Variants in SEMA3A observed in about 807,000 individuals in gnomAD.
The protein encoded by SEMA3A is semaphorin 3A, also known as semaphorin-3A.
In SEMA3A, 29 loss-of-function variants were observed where a neutral mutation model predicts 97.9. The observed-to-expected ratio is 0.30, with a 90% CI of 0.22 to 0.40. The LOEUF is 0.40. Among genes scored for constraint, SEMA3A ranks in the 10% least tolerant of loss-of-function variants. The probability of loss-of-function intolerance (pLI) is 1.00; values close to 1 mark genes in which losing one functional copy is unlikely to be tolerated. For missense variants in SEMA3A, 763 were observed against 951.3 expected (o/e 0.80, Z 2.60); for synonymous variants, 321 against 323.7 (o/e 0.99, Z 0.09).
chr7:84,068,964 C>T (rs992059940), intron 4 of SEMA3A, among the ~76,000 whole-genome samples: 15 of 152,082 alleles, frequency 9.9e-5, no homozygotes, highest in African/African-American at 3.6e-4. Context: ...TTTACCGATA[C>T]ATAATATGTT....
intron 3 of SEMA3A, among the ~76,000 whole-genome samples, chr7:84,122,535 T>C (rs988132149): frequency 6.6e-6 from 1 of 152,158 alleles, no homozygotes; most frequent in African/African-American, 2.4e-5. Context: ...ATGAGGATTT[T>C]GAAATGTAAT....
At chr7:84,252,456 C>T (rs971425455) in intron 3 of SEMA3A, among the ~76,000 whole-genome samples, 1 of 152,204 alleles carries the variant, frequency 6.6e-6, no homozygotes, top group African/African-American at 2.4e-5. Flanking sequence ...ATAGCACACA[C>T]AGCAAAATGG....
intron 1 of SEMA3A, among the ~76,000 whole-genome samples, chr7:84,158,148 CTTTTTTT>C (rs1187182577): frequency 1.2e-5 from 1 of 82,290 alleles, no homozygotes; most frequent in Non-Finnish European, 2.3e-5. Flanking sequence ...ACAGCTAATT[CTTTTTTT>C]TTTTTTTTTT....
At chr7:84,316,723 C>T (rs1801512459) in intron 2 of SEMA3A, among the ~76,000 whole-genome samples, 1 of 152,022 alleles carries the variant, frequency 6.6e-6, no homozygotes, top group Non-Finnish European at 1.5e-5. Context: ...CATTCTATTA[C>T]TTTATTTTAA....
intron 1 of SEMA3A, among the ~76,000 whole-genome samples, chr7:84,376,603 C>CAAAAAAAAAAA (rs60380985): frequency 1.6e-4 from 6 of 36,440 alleles, no homozygotes; most frequent in African/African-American, 5.9e-4. Context: ...GACTCCGTCT[C>CAAAAAAAAAAA]AAAAAAAAAA....
chr7:84,455,831 T>A (rs28419784), intron 1 of SEMA3A, among the ~76,000 whole-genome samples: 2 of 151,980 alleles, frequency 1.3e-5, no homozygotes, highest in Admixed American at 6.5e-5. Context: ...AGGGAAAAAA[T>A]TAGAAAAAGA....
chr7:84,267,286 C>T (rs975575138), intron 3 of SEMA3A, among the ~76,000 whole-genome samples: 1 of 152,052 alleles, frequency 6.6e-6, no homozygotes, highest in Admixed American at 6.6e-5. Context: ...ACCTGAATTA[C>T]CAAAATAATA....
At chr7:84,416,573 A>G (rs1228956) in intron 1 of SEMA3A, among the ~76,000 whole-genome samples, 48,565 of 151,962 alleles carry the variant, frequency 0.32, 9,311 homozygotes, top group African/African-American at 0.54. Context: ...ATCCCTTGCT[A>G]ATCAGCATCC....
intron 3 of SEMA3A, among the ~76,000 whole-genome samples, chr7:84,214,230 G>A (rs1798694075): frequency 6.6e-6 from 1 of 151,956 alleles, no homozygotes; most frequent in Non-Finnish European, 1.5e-5. Flanking sequence ...AACTAAGCCT[G>A]GGCAAATTAA....
chr7:83,974,550 T>C (rs1202975886), intron 15 of SEMA3A, among the ~76,000 whole-genome samples: 1 of 152,166 alleles, frequency 6.6e-6, no homozygotes, highest in Non-Finnish European at 1.5e-5. Context: ...ATATATTTTA[T>C]TCAATGTGAG....
In SEMA3A at chr7:84,055,649, A is replaced by T. The variant is rs186871063; in HGVS notation, c.547+4816T>A. On this transcript the variant is annotated intron_variant, in intron 5 of 16. Coordinates refer to ENST00000265362, the MANE Select transcript of SEMA3A (RefSeq NM_006080.3). ...AACCCGGTACCTCAGATGGAAATGC[A>T]GAAATCACCCGTCTTCTGCGTTGCT... Among the ~76,000 whole-genome samples, 121 of 152,328 alleles carry T rather than the reference A, an allele frequency of 7.9e-4. 3 individuals are homozygous for T. The East Asian group carries it at 0.018, about 22-fold the overall frequency.
chr7:84,224,325 T>A (rs1798942343), intron 3 of SEMA3A, among the ~76,000 whole-genome samples: 1 of 152,056 alleles, frequency 6.6e-6, no homozygotes, highest in Non-Finnish European at 1.5e-5. Context: ...TTTTTTACTT[T>A]GTAAATTACA....
chr7:83,963,284 A>G lies in SEMA3A; in HGVS notation c.1781T>C (p.Phe594Ser). 1 of 1,613,826 alleles carries G rather than the reference A, an allele frequency of 6.2e-7. No individual in the cohort carries two copies. The highest frequency in any genetic ancestry group is 8.5e-7 in the Non-Finnish European group (1 of 1,179,992). The change falls in exon 16 of 17, where the codon TTT (phenylalanine) becomes TCT (serine). Residue 594 changes from phenylalanine (F) to serine (S), a missense_variant. By Grantham distance (155) the Phe-to-Ser change is radical. Coordinates refer to ENST00000265362, the MANE Select transcript of SEMA3A (RefSeq NM_006080.3). ...IIYGVENSST[F>S]LECSPKSQRA... ...CTGCGACTTCGGACTGCATTCCAAAAATGTGCTACTATTCTCTACACCATA... is the reference window on the plus strand; with the variant it reads ...CTGCGACTTCGGACTGCATTCCAAAGATGTGCTACTATTCTCTACACCATA...
chr7:84,175,520 A>C (rs1432239147), intron 1 of SEMA3A, among the ~76,000 whole-genome samples: 1 of 152,202 alleles, frequency 6.6e-6, no homozygotes. Context: ...TGTAGGGTTC[A>C]CCACCAGGAG....
intron 3 of SEMA3A, among the ~76,000 whole-genome samples, chr7:84,121,526 A>G (rs1408848236): frequency 6.6e-6 from 1 of 150,598 alleles, no homozygotes; most frequent in Non-Finnish European, 1.5e-5. Flanking sequence ...CCATGTCCCT[A>G]CAAAGGACAT....
intron 1 of SEMA3A, among the ~76,000 whole-genome samples, chr7:84,417,716 T>C (rs1449199543): frequency 6.6e-6 from 1 of 152,094 alleles, no homozygotes; most frequent in East Asian, 1.9e-4. Context: ...ACCTTAGACA[T>C]GAAGGATATA....
intron 3 of SEMA3A, among the ~76,000 whole-genome samples, chr7:84,247,116 G>A (rs1440167476): frequency 6.6e-6 from 1 of 152,032 alleles, no homozygotes; most frequent in Non-Finnish European, 1.5e-5. Context: ...AACAAACCAA[G>A]AAGAATTATG....
chr7:84,200,798 CTTT>C (rs33924638), intron 3 of SEMA3A, among the ~76,000 whole-genome samples: 37 of 141,660 alleles, frequency 2.6e-4, no homozygotes, highest in Non-Finnish European at 2.8e-4. Flanking sequence ...GTTTTTTTTC[CTTT>C]TTTTTTTTTT....
chr7:84,398,260 T>G (rs1484224759), intron 1 of SEMA3A, among the ~76,000 whole-genome samples: 1 of 152,214 alleles, frequency 6.6e-6, no homozygotes, highest in Non-Finnish European at 1.5e-5. Context: ...TACAATTTAT[T>G]GTGTGTATGC....
Sources: gnomAD v4.1 joint callset for allele counts (sites outside exome capture counted in the v4.1 genomes callset) on GRCh38, gnomAD v4.1.1 for gene constraint, MANE v1.5 for transcripts, NCBI Gene and HGNC (gene_info 2026-07-23, HGNC 2026-07-21) for gene names.